Variants in MITF observed in about 807,000 individuals in gnomAD.
MITF encodes the protein microphthalmia-associated transcription factor.
A neutral mutation model predicts 60.5 loss-of-function variants in MITF; 17 were observed. That is an observed-to-expected ratio of 0.28 (90% CI 0.19 to 0.42). MITF has a LOEUF of 0.42. Ranked by LOEUF, MITF falls within the 10% of genes least tolerant of loss-of-function variation. The probability of loss-of-function intolerance (pLI) is 1.00; values close to 1 mark genes in which losing one functional copy is unlikely to be tolerated. For synonymous variants in MITF, 260 were observed against 248.5 expected, an observed-to-expected ratio of 1.05 and a Z score of -0.43; for missense variants, 622 against 683.5, an observed-to-expected ratio of 0.91 and a Z score of 1.00.
chr3:69,870,301 T>TAC (rs1559686410), intron 1 of MITF, among the ~76,000 whole-genome samples: 1 of 137,672 alleles, frequency 7.3e-6, no homozygotes, highest in African/African-American at 3.2e-5. Context: ...TTTATATATA[T>TAC]ACACATACAT....
intron 1 of MITF, among the ~76,000 whole-genome samples, chr3:69,866,846 T>TC (rs1380171734): frequency 4.0e-5 from 6 of 151,268 alleles, no homozygotes; most frequent in African/African-American, 1.5e-4. Context: ...TTTTTTTTTT[T>TC]CCTGACTGTG....
At chr3:69,936,927 A>C in intron 2 of MITF, 1 of 593,570 alleles carries the variant, frequency 1.7e-6, no homozygotes, top group Non-Finnish European at 2.8e-6. Context: ...GTTTTGAACA[A>C]AGTAAATATT....
Position 69,926,895 on chromosome 3 carries a change from T to C in MITF, c.355-10927T>C, listed in dbSNP as rs572118303. On this transcript the variant is annotated intron_variant, in intron 2 of 9. Coordinates refer to ENST00000352241, the MANE Select transcript of MITF (RefSeq NM_001354604.2). ...GCGAATTTCACCATTGTGTAACCCC[T>C]TCATGGGTTTATTTGTTGCTTGCAA... 6.0e-4 allele frequency among the ~76,000 whole-genome samples: 91 copies of C among 152,338 alleles called. No individual in the cohort carries two copies. In the South Asian group the frequency reaches 6.6e-3, roughly 11 times the overall value.
chr3:69,894,090 A>G (rs2064819576), intron 2 of MITF, among the ~76,000 whole-genome samples: 2 of 152,220 alleles, frequency 1.3e-5, no homozygotes, highest in Admixed American at 1.3e-4. Context: ...TGGTTCTAGA[A>G]TACAGGTTAC....
Position 69,803,057 on chromosome 3 carries a change from G to T in MITF, c.104+63356G>T, listed in dbSNP as rs113750869. On this transcript the variant is annotated intron_variant, in intron 1 of 9. Transcript: ENST00000352241. ...CTCCCAAAGTGCTGGGATTACAGGG[G>T]TGAGCCACCGCTCCCAGCCCACAGT... Among the ~76,000 whole-genome samples, 657 of 152,250 alleles carry T rather than the reference G, an allele frequency of 4.3e-3. 6 individuals carry two copies. The highest frequency in any genetic ancestry group is 0.015 in the African/African-American group (610 of 41,548).
At chr3:69,741,531 A>G (rs1202714514) in intron 1 of MITF, among the ~76,000 whole-genome samples, 2 of 152,180 alleles carry the variant, frequency 1.3e-5, no homozygotes, top group South Asian at 4.1e-4. Flanking sequence ...AGAGTCAGCA[A>G]AAAAGACTTG....
At chr3:69,909,289 T>A (rs9836245) in intron 2 of MITF, among the ~76,000 whole-genome samples, 3,819 of 152,324 alleles carry the variant, frequency 0.025, 145 homozygotes, top group African/African-American at 0.086. Context: ...CCTGCCATGA[T>A]TCTGAGGCCT....
chr3:69,739,849 G>T, intron 1 of MITF, 148 bp downstream of exon 1: 1 of 643,004 alleles, frequency 1.6e-6, no homozygotes, highest in Non-Finnish European at 2.8e-6. Flanking sequence ...GCCCCTCGCA[G>T]TTGGGGGCCG....
chr3:69,914,974 T>G (rs2065302823), intron 2 of MITF, among the ~76,000 whole-genome samples: 1 of 152,176 alleles, frequency 6.6e-6, no homozygotes, highest in Admixed American at 6.5e-5. Flanking sequence ...ATGAGTAATG[T>G]ATTCCACTAA....
chr3:69,927,130 T>C (rs2065609946), intron 2 of MITF, among the ~76,000 whole-genome samples: 2 of 152,350 alleles, frequency 1.3e-5, no homozygotes, highest in South Asian at 4.1e-4. Context: ...AGTTTTTTTT[T>C]TTGGCTTTGC....
rs145569818 is a variant in MITF, at chr3:69,918,986, C to T, written c.355-18836C>T. Among the ~76,000 whole-genome samples the T allele has an allele frequency of 5.9e-3, 897 of 152,236 alleles. 4 individuals are homozygous for T. Among genetic ancestry groups the T allele is most frequent in the African/African-American group, 0.02 (848 of 41,538 alleles). On this transcript the variant is annotated intron_variant, in intron 2 of 9. Coordinates refer to ENST00000352241, the MANE Select transcript of MITF (RefSeq NM_001354604.2). ...GCCTTTTGTTATGTTTTTCCATAGT[C>T]ATTTCTATTATTTCAAGAAATCTTT...
intron 1 of MITF, among the ~76,000 whole-genome samples, chr3:69,798,423 AGTT>A (rs1424396484): frequency 1.3e-5 from 2 of 152,264 alleles, no homozygotes; most frequent in South Asian, 2.1e-4. Flanking sequence ...TATCATTCAG[AGTT>A]GTTGTGAGGA....
At chr3:69,779,274 T>G (rs2062525209) in intron 1 of MITF, among the ~76,000 whole-genome samples, 1 of 152,128 alleles carries the variant, frequency 6.6e-6, no homozygotes, top group South Asian at 2.1e-4. Context: ...TTCTGTGAAA[T>G]TGGGTGAAAT....
intron 1 of MITF, among the ~76,000 whole-genome samples, chr3:69,841,549 G>T (rs949141277): frequency 6.6e-6 from 1 of 152,164 alleles, no homozygotes; most frequent in Non-Finnish European, 1.5e-5. Context: ...GGTAAGAAAG[G>T]TTGCAGCTGT....
chr3:69,821,558 G>C (rs1356818119), intron 1 of MITF, among the ~76,000 whole-genome samples: 1 of 151,656 alleles, frequency 6.6e-6, no homozygotes, highest in African/African-American at 2.4e-5. Context: ...TATTGTTCCA[G>C]GTCCTTGAAT....
At chr3:69,866,320 G>A (rs2064114169) in intron 1 of MITF, 1 of 1,613,826 alleles carries the variant, frequency 6.2e-7, no homozygotes, top group East Asian at 2.2e-5. Flanking sequence ...AGATGTTCAT[G>A]CCATGCTCCT....
intron 1 of MITF, among the ~76,000 whole-genome samples, chr3:69,842,840 C>A (rs543190694): frequency 6.6e-6 from 1 of 152,160 alleles, no homozygotes; most frequent in Non-Finnish European, 1.5e-5. Context: ...CCCAGGGGTT[C>A]CACAGAGCAC....
At chr3:69,915,444 T>C (rs924431868) in intron 2 of MITF, among the ~76,000 whole-genome samples, 2 of 151,836 alleles carry the variant, frequency 1.3e-5, no homozygotes, top group African/African-American at 4.8e-5. Flanking sequence ...TCCTAATACA[T>C]GAAAATTAAT....
chr3:69,743,000 A>G (rs1450853406), intron 1 of MITF, among the ~76,000 whole-genome samples: 1 of 152,206 alleles, frequency 6.6e-6, no homozygotes, highest in East Asian at 1.9e-4. Context: ...TGCAAACTCC[A>G]AGGGAACAGG....
Sources: gnomAD v4.1 joint callset for allele counts (sites outside exome capture counted in the v4.1 genomes callset) on GRCh38, gnomAD v4.1.1 for gene constraint, MANE v1.5 for transcripts, NCBI Gene and HGNC (gene_info 2026-07-23, HGNC 2026-07-21) for gene names.